The following KHDRBS3 variants were observed in gnomAD, a reference collection of about 807,000 sequenced individuals.
KHDRBS3 encodes the protein KH domain-containing, RNA-binding, signal transduction-associated protein 3.
KHDRBS3 carries 23 observed loss-of-function variants against 45.6 expected under a neutral mutation model. The observed-to-expected ratio is 0.50, with a 90% confidence interval of 0.36 to 0.72. KHDRBS3 has a LOEUF of 0.72. Among genes scored for constraint, KHDRBS3 ranks in the 30% least tolerant of loss-of-function variants. The pLI, the probability that KHDRBS3 is intolerant of heterozygous loss-of-function variation, is 0.00. For synonymous variants in KHDRBS3, 162 were observed against 156.5 expected, an observed-to-expected ratio of 1.04 and a Z score of -0.26; for missense variants, 352 against 424.8, an observed-to-expected ratio of 0.83 and a Z score of 1.51.
intron 1 of KHDRBS3, among the ~76,000 whole-genome samples, chr8:135,519,310 G>A (rs1259620995): frequency 3.3e-5 from 5 of 152,068 alleles, no homozygotes; most frequent in East Asian, 1.9e-4. Flanking sequence ...AGCTAACTGC[G>A]GGAGTTAGCG....
chr8:135,517,557 A>G (rs1302098932), intron 1 of KHDRBS3, among the ~76,000 whole-genome samples: 1 of 152,238 alleles, frequency 6.6e-6, no homozygotes, highest in African/African-American at 2.4e-5. Context: ...TCAAAAAAAA[A>G]TTAAGCTACT....
intron 5 of KHDRBS3, among the ~76,000 whole-genome samples, chr8:135,580,144 C>T (rs1343381854): frequency 6.6e-6 from 1 of 152,312 alleles, no homozygotes; most frequent in Non-Finnish European, 1.5e-5. Context: ...CCAACCAGTG[C>T]TCAAGAATAG....
At chr8:135,537,881 A>G (rs1055061172) in intron 2 of KHDRBS3, among the ~76,000 whole-genome samples, 1 of 152,204 alleles carries the variant, frequency 6.6e-6, no homozygotes, top group African/African-American at 2.4e-5. Context: ...GTATTTGCTT[A>G]TTTCTTACTG....
At chr8:135,502,461 C>G (rs1183250107) in intron 1 of KHDRBS3, among the ~76,000 whole-genome samples, 5 of 152,080 alleles carry the variant, frequency 3.3e-5, no homozygotes, top group Admixed American at 2.0e-4. Flanking sequence ...TCTGAAGTTT[C>G]CCTTGATTTT....
At chr8:135,489,581 G>A (rs183094372) in intron 1 of KHDRBS3, among the ~76,000 whole-genome samples, 369 of 152,196 alleles carry the variant, frequency 2.4e-3, no homozygotes, top group Non-Finnish European at 3.9e-3. Context: ...AGGAGGCTGA[G>A]GCAGGAGAAT....
At chr8:135,509,188 A>T (rs996238027) in intron 1 of KHDRBS3, among the ~76,000 whole-genome samples, 1 of 152,190 alleles carries the variant, frequency 6.6e-6, no homozygotes, top group East Asian at 1.9e-4. Context: ...ATAGAATTCC[A>T]TATATTTGTT....
At chr8:135,605,967 A>G (rs920493973) in intron 6 of KHDRBS3, among the ~76,000 whole-genome samples, 4 of 151,770 alleles carry the variant, frequency 2.6e-5, no homozygotes, top group South Asian at 2.1e-4. Context: ...CTGGAAATCA[A>G]TTTTTTCCAT....
chr8:135,461,662 A>G (rs533289471), intron 1 of KHDRBS3, among the ~76,000 whole-genome samples: 1 of 152,314 alleles, frequency 6.6e-6, no homozygotes, highest in South Asian at 2.1e-4. Context: ...ATTTAATCCA[A>G]GTCTCTGATA....
At chr8:135,609,879 A>G (rs538802418) in intron 7 of KHDRBS3, among the ~76,000 whole-genome samples, 44 of 151,778 alleles carry the variant, frequency 2.9e-4, no homozygotes, top group Non-Finnish European at 6.0e-4. Context: ...GAGAAAAGAG[A>G]AGCGACTTAA....
At chr8:135,478,602 T>C (rs1229790949) in intron 1 of KHDRBS3, among the ~76,000 whole-genome samples, 2 of 152,188 alleles carry the variant, frequency 1.3e-5, no homozygotes, top group African/African-American at 4.8e-5. Context: ...TCAGTGAGTT[T>C]TAAAGGATTG....
At chr8:135,636,732 TATC>T (rs1367837831) in intron 7 of KHDRBS3, among the ~76,000 whole-genome samples, 3 of 152,100 alleles carry the variant, frequency 2.0e-5, no homozygotes, top group Non-Finnish European at 2.9e-5. Flanking sequence ...AGGGCAGAAA[TATC>T]ATCATTGCCT....
chr8:135,535,963 C>A (rs150874957), intron 2 of KHDRBS3, among the ~76,000 whole-genome samples: 126 of 152,270 alleles, frequency 8.3e-4, no homozygotes, highest in African/African-American at 2.8e-3. Flanking sequence ...TTATCCCCCA[C>A]TATCTCCCCA....
intron 1 of KHDRBS3, among the ~76,000 whole-genome samples, chr8:135,478,159 G>C (rs995551538): frequency 2.6e-5 from 4 of 152,198 alleles, no homozygotes; most frequent in African/African-American, 7.2e-5. Flanking sequence ...GTCAGGAACT[G>C]CTGTTCTAGA....
chr8:135,586,696 T>A (rs1411245852), intron 6 of KHDRBS3, among the ~76,000 whole-genome samples: 4 of 152,190 alleles, frequency 2.6e-5, no homozygotes, highest in Admixed American at 6.5e-5. Context: ...ACGTAATTTT[T>A]AAAAATCTCC....
intron 7 of KHDRBS3, among the ~76,000 whole-genome samples, chr8:135,642,327 C>G (rs529209974): frequency 2.0e-5 from 3 of 152,210 alleles, no homozygotes; most frequent in Admixed American, 6.5e-5. Context: ...GCAGATGGCT[C>G]AGCTTGGGCC....
intron 5 of KHDRBS3, 39 bp downstream of exon 5, chr8:135,557,626 A>G: frequency 6.5e-7 from 1 of 1,527,168 alleles, no homozygotes; most frequent in East Asian, 2.3e-5. Flanking sequence ...ATACCGTGGC[A>G]GCAGTTTTAA....
intron 3 of KHDRBS3, among the ~76,000 whole-genome samples, chr8:135,547,728 G>A (rs961057287): frequency 6.6e-6 from 1 of 152,080 alleles, no homozygotes; most frequent in Non-Finnish European, 1.5e-5. Context: ...GGGTTCTCTT[G>A]GTTATGGGAT....
At chr8:135,519,868 T>C (rs1295100095) in intron 1 of KHDRBS3, among the ~76,000 whole-genome samples, 1 of 152,230 alleles carries the variant, frequency 6.6e-6, no homozygotes, top group Non-Finnish European at 1.5e-5. Context: ...ATGAAGCCCA[T>C]TGGCTGTTTC....
chr8:135,461,124 G>A (rs1241572139), intron 1 of KHDRBS3, among the ~76,000 whole-genome samples: 2 of 151,992 alleles, frequency 1.3e-5, no homozygotes, highest in African/African-American at 2.4e-5. Flanking sequence ...TTTTTGAGAC[G>A]AAGTTGCCCA....
Sources: gnomAD v4.1 joint callset for allele counts (sites outside exome capture counted in the v4.1 genomes callset) on GRCh38, gnomAD v4.1.1 for gene constraint, MANE v1.5 for transcripts, NCBI Gene and HGNC (gene_info 2026-07-23, HGNC 2026-07-21) for gene names.